PTPRN2: variants seen among roughly 807,000 people sequenced by gnomAD.
PTPRN2 encodes the protein receptor-type tyrosine-protein phosphatase N2.
A neutral mutation model predicts 118.8 loss-of-function variants in PTPRN2; 74 were observed. The observed-to-expected ratio is 0.62, with a 90% CI of 0.52 to 0.76. The LOEUF (loss-of-function observed/expected upper bound fraction) is 0.76. PTPRN2 is among the 30% of genes least tolerant of loss of function. The pLI, the probability that PTPRN2 is intolerant of heterozygous loss-of-function variation, is 0.00. For missense variants in PTPRN2, 1,481 were observed against 1,394.4 expected (o/e 1.06, Z -0.99); for synonymous variants, 641 against 608.0 (o/e 1.05, Z -0.80).
chr7:157,672,298 C>T (rs996674905), intron 13 of PTPRN2, among the ~76,000 whole-genome samples: 3 of 152,170 alleles, frequency 2.0e-5, no homozygotes, highest in African/African-American at 7.2e-5. Context: ...CTTTCCCCTT[C>T]ACATTTCAGC....
intron 2 of PTPRN2, among the ~76,000 whole-genome samples, chr7:158,342,315 CCA>C (rs1489132311): frequency 6.8e-6 from 1 of 146,848 alleles, no homozygotes; most frequent in Admixed American, 6.7e-5. Context: ...TCACTCACAC[CCA>C]CACTCTCACC....
At chr7:157,834,578 G>A (rs527689548) in intron 12 of PTPRN2, among the ~76,000 whole-genome samples, 3 of 152,206 alleles carry the variant, frequency 2.0e-5, no homozygotes, top group Admixed American at 1.3e-4. Context: ...CGACCCACCC[G>A]CTGGCTACCA....
At chr7:157,641,981 T>G (rs1427500230) in intron 14 of PTPRN2, among the ~76,000 whole-genome samples, 1 of 152,130 alleles carries the variant, frequency 6.6e-6, no homozygotes, top group Non-Finnish European at 1.5e-5. Context: ...GATGGAGCTG[T>G]GCTGTTCCCT....
At chr7:158,469,048 T>C (rs552072753) in intron 2 of PTPRN2, among the ~76,000 whole-genome samples, 2 of 43,302 alleles carry the variant, frequency 4.6e-5, no homozygotes, top group African/African-American at 6.8e-5. Flanking sequence ...GGATCAACAC[T>C]ATGCACACCC....
chr7:157,772,705 G>A (rs1802956049), intron 12 of PTPRN2, among the ~76,000 whole-genome samples: 1 of 152,246 alleles, frequency 6.6e-6, no homozygotes, highest in South Asian at 2.1e-4. Flanking sequence ...TCAGCGTTGG[G>A]TCTCTTGGCC....
chr7:158,221,093 G>A (rs1015176127), intron 3 of PTPRN2, among the ~76,000 whole-genome samples: 12 of 152,002 alleles, frequency 7.9e-5, no homozygotes, highest in Non-Finnish European at 2.9e-5. Flanking sequence ...CTTCAACAAA[G>A]TCAACAAAAA....
intron 12 of PTPRN2, among the ~76,000 whole-genome samples, chr7:157,686,054 C>T (rs1177258934): frequency 6.6e-6 from 1 of 152,312 alleles, no homozygotes; most frequent in East Asian, 1.9e-4. Context: ...GTCGTGACCG[C>T]GGGCAGCGCC....
At chr7:158,466,583 C>T (rs192558983) in intron 2 of PTPRN2, among the ~76,000 whole-genome samples, 119 of 152,302 alleles carry the variant, frequency 7.8e-4, no homozygotes, top group Non-Finnish European at 1.3e-3. Flanking sequence ...CCATCAGAAA[C>T]ACCTGTACTG....
Position 158,167,232 on chromosome 7 carries a change from G to A in PTPRN2, c.609C>T (p.Thr203=). ...GCTGGGTCCGGGACCCGGGAGGGTAGGTCAGCGCAGACGTGTGGGCCACAT... is the reference window on the plus strand; with the variant it reads ...GCTGGGTCCGGGACCCGGGAGGGTAAGTCAGCGCAGACGTGTGGGCCACAT... ...LTYVAHTSAL[T]YPPGSRTQLR... The change falls in exon 6 of 23, where the codon ACC becomes ACT. Residue 203 remains threonine, a synonymous_variant. Coordinates refer to ENST00000389418, the MANE Select transcript of PTPRN2 (RefSeq NM_002847.5). 1 of 1,613,306 alleles carries A rather than the reference G, an allele frequency of 6.2e-7. No individual in the cohort carries two copies. The highest frequency in any genetic ancestry group is 8.5e-7 in the Non-Finnish European group (1 of 1,179,844).
intron 2 of PTPRN2, among the ~76,000 whole-genome samples, chr7:158,469,234 G>A (rs1026220714): frequency 6.6e-6 from 1 of 152,212 alleles, no homozygotes; most frequent in African/African-American, 2.4e-5. Context: ...TTGAGGTCAG[G>A]AGTTTGAGAC....
At chr7:158,005,692 G>A (rs1321334560) in intron 11 of PTPRN2, among the ~76,000 whole-genome samples, 2 of 152,228 alleles carry the variant, frequency 1.3e-5, no homozygotes, top group Non-Finnish European at 2.9e-5. Flanking sequence ...TCACTGCACA[G>A]CTGGAGAAGG....
intron 12 of PTPRN2, among the ~76,000 whole-genome samples, chr7:157,761,135 GGTAGGAAGAATCAATATC>G (rs1471675803): frequency 6.6e-6 from 1 of 151,358 alleles, no homozygotes; most frequent in Non-Finnish European, 1.5e-5. Flanking sequence ...CATGCTCATG[GGTAGGAAGAATCAATATC>G]GTGAAAATGG....
chr7:158,336,744 T>A (rs1487150571), intron 2 of PTPRN2, among the ~76,000 whole-genome samples: 3 of 99,408 alleles, frequency 3.0e-5, no homozygotes, highest in South Asian at 3.6e-4. Context: ...CCCGCAGACG[T>A]CACTCACACC....
intron 1 of PTPRN2, 64 bp from the exon 2 acceptor site, chr7:158,489,849 G>A: frequency 7.0e-7 from 1 of 1,431,684 alleles, no homozygotes; most frequent in Non-Finnish European, 9.6e-7. Context: ...CCCCGAGGCT[G>A]CCTTCCTGGC....
At position 158,319,476 on chromosome 7, in the gene PTPRN2, G is replaced by GCA. The variant is rs1586240112; in HGVS notation, c.164-2546_164-2545dup. On this transcript the variant is annotated intron_variant, in intron 2 of 22. Coordinates refer to ENST00000389418, the MANE Select transcript of PTPRN2 (RefSeq NM_002847.5). ...CGCACACAGCCTCCCTCACACACAA[G>GCA]CACAGCCTCCCTCACACTCACACAG... 4.9e-3 allele frequency among the ~76,000 whole-genome samples: 175 copies of GCA among 35,578 alleles called. 16 individuals are homozygous for GCA. Among genetic ancestry groups the GCA allele is most frequent in the African/African-American group, 5.1e-3 (38 of 7,510 alleles). The allele number at this position is 35,578 out of a possible 152,430, so 23.3% of individuals were successfully genotyped here. A position where few individuals can be genotyped will look rare whatever the true frequency, so the allele number is the denominator to read the frequency against.
intron 2 of PTPRN2, among the ~76,000 whole-genome samples, chr7:158,409,901 T>G (rs925058584): frequency 6.6e-6 from 1 of 152,240 alleles, no homozygotes; most frequent in Non-Finnish European, 1.5e-5. Context: ...ATAATAAAGC[T>G]AGTGTTTTTT....
intron 2 of PTPRN2, among the ~76,000 whole-genome samples, chr7:158,385,321 A>T (rs1315082888): frequency 6.6e-6 from 1 of 152,204 alleles, no homozygotes; most frequent in African/African-American, 2.4e-5. Context: ...AAAAGGTTTC[A>T]ATTGAACCGA....
At chr7:158,103,067 C>A (rs974041278) in intron 10 of PTPRN2, among the ~76,000 whole-genome samples, 1 of 152,182 alleles carries the variant, frequency 6.6e-6, no homozygotes, top group African/African-American at 2.4e-5. Context: ...CAGACATGCA[C>A]CCGTCCCTGT....
At position 158,546,503 on chromosome 7, in the gene PTPRN2, A is replaced by C. The variant is rs562357716; in HGVS notation, c.112+41055T>G. ...AGTGTCCCAGGCGCCATGATGTCTA[A>C]GTGACTATAGGGCCATGAAGAAGGG... On this transcript the variant is annotated intron_variant, in intron 1 of 22. Coordinates refer to ENST00000389418, the MANE Select transcript of PTPRN2 (RefSeq NM_002847.5). This position sits in a 1 kb window ranked among gnomAD's most constrained non-coding sequence, Gnocchi z 5.0. Among the ~76,000 whole-genome samples, 5 of 152,324 alleles carry C rather than the reference A, an allele frequency of 3.3e-5. No individual in the cohort carries two copies. The South Asian group carries it at 8.3e-4, about 25-fold the overall frequency.
Sources: allele counts gnomAD v4.1 joint callset (sites outside exome capture counted in the v4.1 genomes callset), GRCh38; gene constraint gnomAD v4.1.1; non-coding constraint Gnocchi (gnomAD v3.1); transcripts MANE v1.5; gene names NCBI Gene and HGNC (gene_info 2026-07-23, HGNC 2026-07-21).